Variants in XRCC4 observed in about 807,000 individuals in gnomAD.
The protein encoded by XRCC4 is DNA repair protein XRCC4.
XRCC4 carries 28 observed loss-of-function variants against 39.1 expected under a neutral mutation model. That is an observed-to-expected ratio of 0.72 (90% confidence interval 0.53 to 0.98). The LOEUF is 0.98. Among genes scored for constraint, XRCC4 ranks in the 50% least tolerant of loss-of-function variants. The probability of loss-of-function intolerance (pLI) is 0.00; values close to 1 mark genes in which losing one functional copy is unlikely to be tolerated. For missense variants in XRCC4, 350 were observed against 376.4 expected (o/e 0.93, Z 0.58); for synonymous variants, 123 against 126.4 (o/e 0.97, Z 0.18).
At chr5:83,181,993 T>G (rs185985224) in intron 3 of XRCC4, among the ~76,000 whole-genome samples, 14 of 152,268 alleles carry the variant, frequency 9.2e-5, no homozygotes, top group African/African-American at 3.4e-4. Flanking sequence ...CAAAATGCCC[T>G]TGTTGAAGCA....
At chr5:83,134,599 T>A (rs867658743) in intron 3 of XRCC4, among the ~76,000 whole-genome samples, 4 of 152,066 alleles carry the variant, frequency 2.6e-5, no homozygotes, top group South Asian at 2.1e-4. Flanking sequence ...ACCAATCAGT[T>A]CTCTGTAAAA....
chr5:83,122,933 C>T (rs565930440), intron 3 of XRCC4, among the ~76,000 whole-genome samples: 12 of 152,012 alleles, frequency 7.9e-5, no homozygotes, highest in Non-Finnish European at 1.2e-4. Context: ...TTTATTGGGA[C>T]TTGTATTATG....
At chr5:83,185,065 T>A (rs1237122660) in intron 3 of XRCC4, among the ~76,000 whole-genome samples, 1 of 152,086 alleles carries the variant, frequency 6.6e-6, no homozygotes, top group Admixed American at 6.6e-5. Flanking sequence ...TATAATTGTT[T>A]TGATACGACC....
At chr5:83,173,233 C>T (rs1189880709) in intron 3 of XRCC4, among the ~76,000 whole-genome samples, 1 of 152,012 alleles carries the variant, frequency 6.6e-6, no homozygotes, top group Non-Finnish European at 1.5e-5. Flanking sequence ...CATTGCCAGT[C>T]TTGATGTTGG....
intron 3 of XRCC4, among the ~76,000 whole-genome samples, chr5:83,129,970 G>A (rs541926580): frequency 2.0e-5 from 3 of 152,148 alleles, no homozygotes; most frequent in South Asian, 2.1e-4. Flanking sequence ...TCCTTCTCCT[G>A]CCTAATTGCC....
chr5:83,078,345 TGA>T (rs1319052749), intron 1 of XRCC4, among the ~76,000 whole-genome samples: 5 of 152,286 alleles, frequency 3.3e-5, no homozygotes, highest in Non-Finnish European at 7.3e-5. Context: ...GTATTAGAAA[TGA>T]GAGTTTTTCA....
At chr5:83,264,217 G>A (rs1337802701) in intron 7 of XRCC4, among the ~76,000 whole-genome samples, 7 of 152,008 alleles carry the variant, frequency 4.6e-5, no homozygotes, top group Admixed American at 3.3e-4. Flanking sequence ...GTTATTATAA[G>A]CATCAGAATT....
chr5:83,252,681 A>T (rs1036333506), intron 6 of XRCC4, among the ~76,000 whole-genome samples: 12 of 152,292 alleles, frequency 7.9e-5, no homozygotes, highest in African/African-American at 2.6e-4. Context: ...TGTGGTTTAT[A>T]TACATTTTCT....
intron 1 of XRCC4, among the ~76,000 whole-genome samples, chr5:83,085,787 C>T (rs548420912): frequency 1.1e-4 from 17 of 152,226 alleles, no homozygotes; most frequent in Middle Eastern, 3.4e-3. Context: ...GAAGTTTTTG[C>T]ACTTTAGATG....
chr5:83,251,852 A>C (rs1315814474), intron 6 of XRCC4, among the ~76,000 whole-genome samples: 2 of 152,216 alleles, frequency 1.3e-5, no homozygotes, highest in South Asian at 2.1e-4. Flanking sequence ...GTTAATAATC[A>C]GTTTATTTGG....
chr5:83,107,979 A>G (rs1465599584), intron 2 of XRCC4, among the ~76,000 whole-genome samples: 2 of 151,838 alleles, frequency 1.3e-5, no homozygotes, highest in Non-Finnish European at 2.9e-5. Flanking sequence ...AGTTATATAT[A>G]GGTATCTGAA....
At chr5:83,100,875 A>G (rs575154971) in intron 1 of XRCC4, among the ~76,000 whole-genome samples, 2 of 152,282 alleles carry the variant, frequency 1.3e-5, no homozygotes, top group South Asian at 4.1e-4. Flanking sequence ...CTGCACATTA[A>G]ATGTATTGAC....
intron 7 of XRCC4, among the ~76,000 whole-genome samples, chr5:83,334,631 T>C (rs1756537984): frequency 6.6e-6 from 1 of 151,782 alleles, no homozygotes; most frequent in South Asian, 2.1e-4. Flanking sequence ...ACAACTACTT[T>C]TAAAAATATT....
At chr5:83,125,055 G>T (rs935011324) in intron 3 of XRCC4, among the ~76,000 whole-genome samples, 1 of 152,136 alleles carries the variant, frequency 6.6e-6, no homozygotes, top group African/African-American at 2.4e-5. Flanking sequence ...GTATCTTATT[G>T]TGGCTTTAAT....
chr5:83,098,564 A>G (rs10057303), intron 1 of XRCC4, among the ~76,000 whole-genome samples: 52,336 of 151,932 alleles, frequency 0.34, 9,699 homozygotes, highest in Non-Finnish European at 0.42. Flanking sequence ...AATCTAACTC[A>G]AAAATATTAT....
intron 3 of XRCC4, among the ~76,000 whole-genome samples, chr5:83,127,124 T>A (rs1401592421): frequency 2.0e-5 from 3 of 152,136 alleles, no homozygotes; most frequent in Non-Finnish European, 4.4e-5. Context: ...CTGAAATGAG[T>A]TAAGACTTTT....
the XRCC4 span, among the ~76,000 whole-genome samples, chr5:83,359,393 G>A: frequency 2.0e-5 from 3 of 152,210 alleles, no homozygotes; most frequent in South Asian, 2.1e-4. Context: ...GAAATGTTCT[G>A]GCTAACTTGA....
intron 6 of XRCC4, among the ~76,000 whole-genome samples, chr5:83,249,963 T>G (rs1753247392): frequency 6.6e-6 from 1 of 152,132 alleles, no homozygotes; most frequent in South Asian, 2.1e-4. Context: ...TGAAAGCCTC[T>G]CTAAGCTTTG....
intron 7 of XRCC4, 150 bp downstream of exon 7, chr5:83,258,827 A>G (rs1405781143): frequency 6.1e-6 from 6 of 990,006 alleles, no homozygotes; most frequent in Non-Finnish European, 8.6e-6. Flanking sequence ...GAATCAATGT[A>G]TTGTTTCAGT....
Sources: allele counts gnomAD v4.1 joint callset (sites outside exome capture counted in the v4.1 genomes callset), GRCh38; gene constraint gnomAD v4.1.1; transcripts MANE v1.5; gene names NCBI Gene and HGNC (gene_info 2026-07-23, HGNC 2026-07-21).